The following DCC variants were observed in gnomAD, a reference collection of about 807,000 sequenced individuals.
DCC encodes DCC netrin 1 receptor, also known as netrin receptor DCC.
A neutral mutation model predicts 172.5 loss-of-function variants in DCC; 58 were observed. The observed-to-expected ratio is 0.34, with a 90% CI of 0.27 to 0.42. DCC has a LOEUF of 0.42. DCC is among the 10% of genes least tolerant of loss of function. The pLI, the probability that DCC is intolerant of heterozygous loss-of-function variation, is 1.00. For synonymous variants in DCC, 709 were observed against 644.5 expected, an observed-to-expected ratio of 1.10 and a Z score of -1.52; for missense variants, 1,740 against 1,791.0, an observed-to-expected ratio of 0.97 and a Z score of 0.51.
chr18:53,460,430 C>T (rs935419148), intron 24 of DCC, among the ~76,000 whole-genome samples: 1 of 92,406 alleles, frequency 1.1e-5, no homozygotes, highest in Non-Finnish European at 2.1e-5. Context: ...ATCCCTCCCC[C>T]CTCCCCCCAC....
intron 1 of DCC, among the ~76,000 whole-genome samples, chr18:52,612,573 CA>C (rs138602236): frequency 0.021 from 3,138 of 151,956 alleles, 126 homozygotes; most frequent in African/African-American, 0.072. Flanking sequence ...CAGGCATTAA[CA>C]TGACTGAACC....
intron 5 of DCC, among the ~76,000 whole-genome samples, chr18:53,054,642 G>A (rs1438547172): frequency 7.2e-5 from 11 of 152,098 alleles, no homozygotes; most frequent in Non-Finnish European, 1.5e-4. Context: ...AAGCAACTCT[G>A]ATTACAGGAA....
At chr18:52,497,280 A>ATATATATGTGT (rs1307784228) in intron 1 of DCC, among the ~76,000 whole-genome samples, 1 of 21,574 alleles carries the variant, frequency 4.6e-5, no homozygotes, top group Non-Finnish European at 1.1e-4. Flanking sequence ...AAAAAAAAAA[A>ATATATATGTGT]ATATATATAT....
intron 1 of DCC, among the ~76,000 whole-genome samples, chr18:52,384,581 G>A (rs1598879857): frequency 6.6e-6 from 1 of 152,208 alleles, no homozygotes; most frequent in East Asian, 1.9e-4. Context: ...GTTGTCCCTG[G>A]GGTGGCGTGG....
chr18:52,843,823 T>G (rs1466584065), intron 2 of DCC, among the ~76,000 whole-genome samples: 1 of 152,130 alleles, frequency 6.6e-6, no homozygotes, highest in Non-Finnish European at 1.5e-5. Flanking sequence ...TATTAAATAT[T>G]TTCCTATTAT....
intron 1 of DCC, among the ~76,000 whole-genome samples, chr18:52,586,449 G>A (rs2033676334): frequency 6.6e-6 from 1 of 152,124 alleles, no homozygotes; most frequent in Admixed American, 6.5e-5. Flanking sequence ...ACCCAACACT[G>A]CAACTCCCTT....
At chr18:52,759,549 G>T (rs768038872) in intron 2 of DCC, among the ~76,000 whole-genome samples, 1 of 152,086 alleles carries the variant, frequency 6.6e-6, no homozygotes, top group Non-Finnish European at 1.5e-5. Context: ...GCTGTCTACA[G>T]TTCGATTTTG....
intron 2 of DCC, among the ~76,000 whole-genome samples, chr18:52,877,689 C>T (rs996574635): frequency 6.8e-6 from 1 of 146,038 alleles, no homozygotes; most frequent in African/African-American, 2.5e-5. Context: ...GCCTGGGTGA[C>T]AGAGTGAGAC....
chr18:52,699,309 C>G (rs946058548), intron 1 of DCC, among the ~76,000 whole-genome samples: 7 of 152,066 alleles, frequency 4.6e-5, no homozygotes, highest in Non-Finnish European at 8.8e-5. Context: ...ACTTGTGTGG[C>G]CCTCTGGCTA....
intron 2 of DCC, among the ~76,000 whole-genome samples, chr18:52,787,520 A>G (rs1232385547): frequency 6.6e-6 from 1 of 152,158 alleles, no homozygotes; most frequent in African/African-American, 2.4e-5. Flanking sequence ...AATTTTAGAA[A>G]TCCCATGCAC....
In DCC at chr18:53,391,767, C is replaced by G. The variant is rs750377854; in HGVS notation, c.2568C>G (p.Thr856=). The G allele has an allele frequency of 2.5e-6, 4 of 1,613,884 alleles. No individual in the cohort carries two copies. In the Admixed American group the frequency reaches 5.0e-5, roughly 20 times the overall value. The change falls in exon 17 of 29, where the codon ACC becomes ACG. Residue 856 remains threonine (T), a synonymous_variant. Transcript: ENST00000442544. ...TAGGTGTACAGGCTGTGGCTCTTAC[C>G]CATGATGCTGTGAGGGTCAGCTGGG... is the stretch of plus-strand genomic sequence containing the variant. ...PPVGVQAVAL[T]HDAVRVSWAD... is the part of the protein sequence containing the mutation.
intron 20 of DCC, among the ~76,000 whole-genome samples, chr18:53,415,870 AT>A (rs1431716983): frequency 6.6e-6 from 1 of 151,840 alleles, no homozygotes; most frequent in African/African-American, 2.4e-5. Flanking sequence ...TTCTCAGTTT[AT>A]GTTTAGAGGG....
intron 1 of DCC, among the ~76,000 whole-genome samples, chr18:52,608,457 C>T (rs2034183715): frequency 6.6e-6 from 1 of 152,166 alleles, no homozygotes. Context: ...GCTCTCTGAA[C>T]CAATTCCTAA....
intron 2 of DCC, among the ~76,000 whole-genome samples, chr18:52,823,186 A>G (rs1404101018): frequency 6.6e-6 from 1 of 152,124 alleles, no homozygotes; most frequent in African/African-American, 2.4e-5. Flanking sequence ...TTTTGGACTC[A>G]GGCCAGGCTT....
intron 8 of DCC, among the ~76,000 whole-genome samples, chr18:53,161,533 T>C (rs1297892174): frequency 2.0e-5 from 3 of 152,226 alleles, no homozygotes; most frequent in Non-Finnish European, 4.4e-5. Flanking sequence ...CAAATTTGTA[T>C]CTCTGGTCCT....
intron 5 of DCC, among the ~76,000 whole-genome samples, chr18:53,001,693 CT>C (rs2041566425): frequency 1.3e-5 from 2 of 151,900 alleles, no homozygotes; most frequent in African/African-American, 2.4e-5. Flanking sequence ...TATTGCCTTT[CT>C]TTTTTCCCTT....
intron 1 of DCC, among the ~76,000 whole-genome samples, chr18:52,537,725 A>T (rs1004808271): frequency 1.3e-5 from 2 of 152,210 alleles, no homozygotes; most frequent in Non-Finnish European, 2.9e-5. Context: ...AGAAAATGGC[A>T]TATGGCTCTT....
rs151047095 is a variant in DCC, at chr18:52,940,253, C to T, written c.985+14883C>T. Among the ~76,000 whole-genome samples, 857 of 152,188 alleles carry T rather than the reference C, an allele frequency of 5.6e-3. 4 individuals carry two copies. The highest frequency in any genetic ancestry group is 0.044 in the Middle Eastern group (13 of 294). ...AGGCCTTGTATAAAATGATGGATCT[C>T]TTATTAAAATTGGAGTATAAGGGAG... On this transcript the variant is annotated intron_variant, in intron 5 of 28. Transcript: ENST00000442544.
At chr18:52,535,257 G>A (rs1418047572) in intron 1 of DCC, among the ~76,000 whole-genome samples, 1 of 152,114 alleles carries the variant, frequency 6.6e-6, no homozygotes, top group Non-Finnish European at 1.5e-5. Context: ...TGGGTATATT[G>A]GTGCCTTGCC....
Sources: allele counts gnomAD v4.1 joint callset (sites outside exome capture counted in the v4.1 genomes callset), GRCh38; gene constraint gnomAD v4.1.1; transcripts MANE v1.5; gene names NCBI Gene and HGNC (gene_info 2026-07-23, HGNC 2026-07-21).